The following GMEB1 variants were observed in gnomAD, a reference collection of about 807,000 sequenced individuals.
The protein encoded by GMEB1 is glucocorticoid modulatory element-binding protein 1.
Under a neutral mutation model 52.4 loss-of-function variants are expected in GMEB1, and 6 were observed. The observed-to-expected ratio is 0.11, with a 90% confidence interval of 0.06 to 0.23. The LOEUF is 0.23. Among genes scored for constraint, GMEB1 ranks in the 10% least tolerant of loss-of-function variants. GMEB1 has a pLI of 1.00. For synonymous variants in GMEB1, 255 were observed against 244.9 expected (o/e 1.04, Z -0.38); for missense variants, 486 against 685.6 (o/e 0.71, Z 3.25).
chr1:28,689,189 A>G (rs1347336212), intron 2 of GMEB1, among the ~76,000 whole-genome samples: 1 of 151,818 alleles, frequency 6.6e-6, no homozygotes, highest in Non-Finnish European at 1.5e-5. Context: ...CACACAGCCT[A>G]ATTTTTTTGT....
At chr1:28,681,293 G>T (rs1669377638) in intron 1 of GMEB1, among the ~76,000 whole-genome samples, 1 of 151,936 alleles carries the variant, frequency 6.6e-6, no homozygotes, top group Admixed American at 6.6e-5. Flanking sequence ...GCTTGAACCT[G>T]GGAGGCAGAG....
At chr1:28,683,508 C>G in intron 1 of GMEB1, 75 bp from the exon 2 acceptor site, 1 of 1,266,708 alleles carries the variant, frequency 7.9e-7, no homozygotes. Flanking sequence ...GGATTCCAGG[C>G]GTGAGCCACC....
chr1:28,710,434 G>C, intron 8 of GMEB1, 86 bp from the exon 9 acceptor site: 4 of 1,038,414 alleles, frequency 3.9e-6, no homozygotes, highest in Non-Finnish European at 5.3e-6. Flanking sequence ...ATAATTTCTG[G>C]TTGTTTCATA....
intron 6 of GMEB1, among the ~76,000 whole-genome samples, chr1:28,700,396 C>T (rs1670444063): frequency 6.6e-6 from 1 of 151,786 alleles, no homozygotes; most frequent in South Asian, 2.1e-4. Flanking sequence ...CGCCTGTAGT[C>T]CCAGCTACTC....
intron 8 of GMEB1, among the ~76,000 whole-genome samples, chr1:28,710,031 C>T (rs891328820): frequency 1.9e-4 from 29 of 152,144 alleles, no homozygotes; most frequent in Admixed American, 3.9e-4. Context: ...CCTGTAGTCC[C>T]AGCTACTCGG....
At chr1:28,713,157 CAAAAA>C (rs1222945447) in intron 9 of GMEB1, among the ~76,000 whole-genome samples, 3 of 76,440 alleles carry the variant, frequency 3.9e-5, no homozygotes, top group Non-Finnish European at 2.5e-5. Flanking sequence ...GACTCCATCT[CAAAAA>C]AAAAAAAAAA....
intron 8 of GMEB1, among the ~76,000 whole-genome samples, chr1:28,709,219 A>G (rs1223751228): frequency 6.6e-6 from 1 of 152,000 alleles, no homozygotes; most frequent in Non-Finnish European, 1.5e-5. Context: ...AGGCAGTCAA[A>G]TCGCTTGAAC....
intron 1 of GMEB1, 86 bp from the exon 2 acceptor site, chr1:28,683,496 TG>T (rs1669490507): frequency 8.6e-7 from 1 of 1,164,800 alleles, no homozygotes; most frequent in African/African-American, 1.6e-5. Flanking sequence ...CCCAAAGTGC[TG>T]GGATTCCAGG....
At chr1:28,706,927 A>G (rs966233832) in intron 8 of GMEB1, among the ~76,000 whole-genome samples, 4 of 150,496 alleles carry the variant, frequency 2.7e-5, no homozygotes, top group Admixed American at 2.7e-4. Context: ...TTGGCCTCCA[A>G]AAGTGCTGGG....
intron 5 of GMEB1, among the ~76,000 whole-genome samples, chr1:28,695,938 CAAAAAAAAAAAAAAAAAAAAAAA>C (rs58978972): frequency 2.4e-5 from 1 of 41,052 alleles, no homozygotes; most frequent in African/African-American, 1.1e-4. Context: ...GACTCCGTCT[CAAAAAAAAAAAAAAAAAAAAAAA>C]AAAAAAAAAA....
At chr1:28,683,765 TCTG>T in intron 2 of GMEB1, 25 bp downstream of exon 2, 3 of 1,610,520 alleles carry the variant, frequency 1.9e-6, no homozygotes, top group Non-Finnish European at 2.5e-6. Context: ...ATTTGGGTAT[TCTG>T]AAGTATTTTG....
rs1345102626 is a variant in GMEB1 at position 28,714,351 on chromosome 1, G to T, written c.1270G>T (p.Val424Leu). 9.9e-6 allele frequency: 16 copies of T among 1,614,084 alleles called. No individual in the cohort carries two copies. Among genetic ancestry groups the T allele is most frequent in the Non-Finnish European group, 1.1e-5 (13 of 1,180,050 alleles). ...CACCCTCAGCCAGGGCTCCAGTCCTGTGACTGTCCACACACTGCCTTCTGG... is the reference window on the plus strand; with the variant it reads ...CACCCTCAGCCAGGGCTCCAGTCCTTTGACTGTCCACACACTGCCTTCTGG... ...VATLSQGSSP[V>L]TVHTLPSGPQ... Residue 424 changes from valine (V) to leucine (L), a missense_variant, in exon 10 of 10, where the codon GTG becomes TTG. This residue lies in a region of GMEB1 where 153 missense variants were observed against 200.8 expected (regional missense o/e 0.76). Coordinates refer to ENST00000373816, the MANE Select transcript of GMEB1 (RefSeq NM_001319674.2).
At chr1:28,681,772 G>A (rs1227548169) in intron 1 of GMEB1, among the ~76,000 whole-genome samples, 1 of 151,542 alleles carries the variant, frequency 6.6e-6, no homozygotes, top group Non-Finnish European at 1.5e-5. Context: ...GCATGATCTC[G>A]GCTCACCGCA....
intron 2 of GMEB1, among the ~76,000 whole-genome samples, chr1:28,684,912 T>C (rs956000725): frequency 1.3e-5 from 2 of 152,230 alleles, no homozygotes; most frequent in African/African-American, 4.8e-5. Flanking sequence ...TACACAGTTA[T>C]GAATCTTCAG....
At chr1:28,690,424 A>G (rs1427739070) in intron 3 of GMEB1, among the ~76,000 whole-genome samples, 1 of 152,012 alleles carries the variant, frequency 6.6e-6, no homozygotes, top group African/African-American at 2.4e-5. Context: ...GTAACTGAAA[A>G]GACTTTTTGT....
At chr1:28,670,142 T>C (rs569459265) in intron 1 of GMEB1, among the ~76,000 whole-genome samples, 7 of 152,170 alleles carry the variant, frequency 4.6e-5, no homozygotes, top group Non-Finnish European at 8.8e-5. Flanking sequence ...CAAAGTGCAT[T>C]TGGGGACCCT....
chr1:28,705,486 G>C (rs1180206404), intron 8 of GMEB1, among the ~76,000 whole-genome samples: 1 of 140,508 alleles, frequency 7.1e-6, no homozygotes, highest in Non-Finnish European at 1.5e-5. Flanking sequence ...GTTTCACTCA[G>C]TCACCCAGGC....
At chr1:28,674,722 T>A (rs1326421574) in intron 1 of GMEB1, among the ~76,000 whole-genome samples, 1 of 129,700 alleles carries the variant, frequency 7.7e-6, no homozygotes, top group Admixed American at 8.0e-5. Flanking sequence ...TTTTTTTTTT[T>A]TTTTTTTTTT....
intron 8 of GMEB1, among the ~76,000 whole-genome samples, chr1:28,708,857 C>T (rs1052346904): frequency 6.6e-6 from 1 of 151,164 alleles, no homozygotes; most frequent in Non-Finnish European, 1.5e-5. Context: ...TTAGGCCGGT[C>T]GAGGTGGCTC....
Sources: allele counts gnomAD v4.1 joint callset (sites outside exome capture counted in the v4.1 genomes callset), GRCh38; gene constraint gnomAD v4.1.1; regional missense constraint gnomAD v4.1.1; transcripts MANE v1.5; gene names NCBI Gene and HGNC (gene_info 2026-07-23, HGNC 2026-07-21).